Variants in GFM2 observed in about 807,000 individuals in gnomAD.
The protein encoded by GFM2 is ribosome-releasing factor 2, mitochondrial.
Under a neutral mutation model 95.4 loss-of-function variants are expected in GFM2, and 72 were observed. The ratio of observed to expected loss-of-function variants is 0.76; its 90% CI spans 0.62 to 0.92. The LOEUF (loss-of-function observed/expected upper bound fraction) is 0.92, where lower values mean the gene tolerates loss of function less well. GFM2 is among the 40% of genes least tolerant of loss of function. GFM2 has a pLI of 0.00. For synonymous variants in GFM2, 276 were observed against 317.5 expected (o/e 0.87, Z 1.39); for missense variants, 825 against 924.1 (o/e 0.89, Z 1.39).
At chr5:74,730,221 AAG>A (rs765964533) in intron 17 of GFM2, 37 bp downstream of exon 17, 1 of 1,567,010 alleles carries the variant, frequency 6.4e-7, no homozygotes, top group Non-Finnish European at 8.6e-7. Context: ...GAAAGACAGA[AAG>A]AGAGAAAAAG....
chr5:74,764,990 T>C, intron 1 of GFM2: 1 of 303,120 alleles, frequency 3.3e-6, no homozygotes. Context: ...TTCGCCATGT[T>C]AGCCAGACTG....
At chr5:74,721,994 T>A (rs1214281532) in intron 20 of GFM2, among the ~76,000 whole-genome samples, 2 of 152,214 alleles carry the variant, frequency 1.3e-5, no homozygotes, top group African/African-American at 4.8e-5. Flanking sequence ...GCAAGTGTGC[T>A]GCAGATGTAT....
At chr5:74,732,978 A>G in intron 16 of GFM2, 44 bp downstream of exon 16, 3 of 946,480 alleles carry the variant, frequency 3.2e-6, no homozygotes, top group South Asian at 2.6e-5. Flanking sequence ...ACACACACAC[A>G]CTCTTATAGA....
chr5:74,733,636 G>A (rs536599146), intron 15 of GFM2, among the ~76,000 whole-genome samples: 1 of 152,278 alleles, frequency 6.6e-6, no homozygotes, highest in East Asian at 1.9e-4. Flanking sequence ...TGTGTGGCAG[G>A]GATCATATCA....
chr5:74,747,806 A>C, intron 7 of GFM2, 26 bp from the exon 8 acceptor site: 1 of 1,300,080 alleles, frequency 7.7e-7, no homozygotes, highest in South Asian at 1.2e-5. Flanking sequence ...GGAAAAAAAT[A>C]CATACTGAAC....
chr5:74,742,271 AC>A (rs1743149755), intron 10 of GFM2, among the ~76,000 whole-genome samples: 1 of 151,830 alleles, frequency 6.6e-6, no homozygotes. Flanking sequence ...AAAAAAAAAA[AC>A]CACACTGTTA....
intron 17 of GFM2, among the ~76,000 whole-genome samples, chr5:74,729,110 T>C (rs535170082): frequency 1.8e-4 from 28 of 152,224 alleles, no homozygotes; most frequent in African/African-American, 6.5e-4. Flanking sequence ...TTTTTCCAGG[T>C]TCCTTGGGAT....
chr5:74,722,949 A>G (rs16872220), intron 19 of GFM2, among the ~76,000 whole-genome samples: 2 of 152,128 alleles, frequency 1.3e-5, no homozygotes, highest in African/African-American at 4.8e-5. Context: ...AAAAGGAAAA[A>G]TTTAGTGCAA....
chr5:74,740,512 C>T (rs1220981656), intron 11 of GFM2, among the ~76,000 whole-genome samples: 1 of 151,984 alleles, frequency 6.6e-6, no homozygotes, highest in Non-Finnish European at 1.5e-5. Flanking sequence ...ATCTGAGTTA[C>T]CATTTCTTCA....
chr5:74,755,805 A>G (rs2112342801), intron 5 of GFM2, among the ~76,000 whole-genome samples: 1 of 152,336 alleles, frequency 6.6e-6, no homozygotes, highest in African/African-American at 2.4e-5. Flanking sequence ...AATTGGCACC[A>G]ATTCTATTGA....
chr5:74,762,059 G>T (rs894228821), intron 2 of GFM2, among the ~76,000 whole-genome samples: 1 of 152,032 alleles, frequency 6.6e-6, no homozygotes, highest in South Asian at 2.1e-4. Context: ...AGAAAAACTG[G>T]GTAACTCCTT....
intron 1 of GFM2, among the ~76,000 whole-genome samples, chr5:74,766,432 TA>T (rs1744614255): frequency 6.6e-6 from 1 of 151,604 alleles, no homozygotes; most frequent in South Asian, 2.1e-4. Context: ...AGCTGTGAAG[TA>T]ATTAAGGGAA....
At chr5:74,744,567 C>T (rs1743286483) in intron 10 of GFM2, among the ~76,000 whole-genome samples, 1 of 152,070 alleles carries the variant, frequency 6.6e-6, no homozygotes, top group Admixed American at 6.6e-5. Flanking sequence ...TATTAACAAT[C>T]TTGCTATTTT....
chr5:74,723,091 A>T (rs1404594733), intron 19 of GFM2, among the ~76,000 whole-genome samples: 3 of 152,210 alleles, frequency 2.0e-5, no homozygotes, highest in African/African-American at 7.2e-5. Flanking sequence ...ATTGAAAAGG[A>T]TGTAAAAATT....
chr5:74,725,856 A>G (rs2112211817), intron 18 of GFM2, 85 bp downstream of exon 18: 3 of 1,466,858 alleles, frequency 2.0e-6, no homozygotes, highest in South Asian at 1.2e-5. Context: ...CAAAGTTAGG[A>G]AAAAGACTGA....
intron 17 of GFM2, among the ~76,000 whole-genome samples, chr5:74,729,760 T>C (rs554452015): frequency 2.0e-5 from 3 of 152,032 alleles, no homozygotes; most frequent in Non-Finnish European, 4.4e-5. Context: ...ATTGTTGTCA[T>C]GTTTTTTGGC....
chr5:74,723,547 A>G (rs1254851212), intron 19 of GFM2, among the ~76,000 whole-genome samples: 2 of 151,854 alleles, frequency 1.3e-5, no homozygotes, highest in Admixed American at 1.3e-4. Context: ...CCTGTCCTCT[A>G]CTATCTCTTC....
chr5:74,741,266 T>A (rs972535839), intron 11 of GFM2, among the ~76,000 whole-genome samples: 1 of 152,136 alleles, frequency 6.6e-6, no homozygotes, highest in African/African-American at 2.4e-5. Flanking sequence ...CTACAGAGAA[T>A]GAGTAGTTAA....
At chr5:74,763,155 A>G (rs141187575) in intron 2 of GFM2, among the ~76,000 whole-genome samples, 1 of 152,348 alleles carries the variant, frequency 6.6e-6, no homozygotes, top group East Asian at 1.9e-4. Flanking sequence ...CAGGAGTCAG[A>G]CCAGAGCTAA....
Sources: allele counts gnomAD v4.1 joint callset (sites outside exome capture counted in the v4.1 genomes callset), GRCh38; gene constraint gnomAD v4.1.1; transcripts MANE v1.5; gene names NCBI Gene and HGNC (gene_info 2026-07-23, HGNC 2026-07-21).